Variants in PCDH15 observed in about 807,000 individuals in gnomAD.
PCDH15 encodes the protein protocadherin related 15.
In PCDH15, 129 loss-of-function variants were observed where a neutral mutation model predicts 178.5. The observed-to-expected ratio is 0.72, with a 90% confidence interval of 0.63 to 0.84. The LOEUF is 0.84. Ranked by LOEUF, PCDH15 falls within the 40% of genes least tolerant of loss-of-function variation. The pLI, the probability that PCDH15 is intolerant of heterozygous loss-of-function variation, is 0.00. For missense variants in PCDH15, 2,230 were observed against 2,099.9 expected, an observed-to-expected ratio of 1.06 and a Z score of -1.21; for synonymous variants, 800 against 732.0, an observed-to-expected ratio of 1.09 and a Z score of -1.50.
In PCDH15 at chr10:54,033,394, C is replaced by T. The variant is rs150504960; in HGVS notation, c.2221-10197G>A. Among the ~76,000 whole-genome samples, 16 of 151,824 alleles carry T rather than the reference C, an allele frequency of 1.1e-4. No homozygotes were observed. The East Asian group carries it at 3.1e-3, about 30-fold the overall frequency. On this transcript the variant is annotated intron_variant, in intron 18 of 37. Transcript: ENST00000644397. Reference sequence around the variant, plus strand: ...AGAAAAGTAAGGTTTTCTTGTCTCCCAAAACCTGATTTTCCACATTGGAAA... The same window carrying T: ...AGAAAAGTAAGGTTTTCTTGTCTCCTAAAACCTGATTTTCCACATTGGAAA...
At chr10:55,162,080 ATGTACT>A (rs1371183474) in intron 2 of PCDH15, among the ~76,000 whole-genome samples, 1 of 152,122 alleles carries the variant, frequency 6.6e-6, no homozygotes, top group East Asian at 1.9e-4. Context: ...ACAGCAGCAA[ATGTACT>A]TGAGGGAGAA....
chr10:55,372,491 G>A (rs1309765679), intron 2 of PCDH15, among the ~76,000 whole-genome samples: 1 of 152,118 alleles, frequency 6.6e-6, no homozygotes, highest in Non-Finnish European at 1.5e-5. Context: ...AGTTAGGTCA[G>A]TAATATTTAG....
intron 5 of PCDH15, among the ~76,000 whole-genome samples, chr10:54,348,007 C>G (rs1943583006): frequency 6.6e-6 from 1 of 151,948 alleles, no homozygotes; most frequent in African/African-American, 2.4e-5. Flanking sequence ...CACCACCACG[C>G]CCGGCTAATT....
intron 1 of PCDH15, among the ~76,000 whole-genome samples, chr10:54,716,756 C>A (rs202126435): frequency 6.6e-6 from 1 of 151,764 alleles, no homozygotes; most frequent in Non-Finnish European, 1.5e-5. Flanking sequence ...CTGGAAAAAA[C>A]TACTTTAAAG....
intron 3 of PCDH15, among the ~76,000 whole-genome samples, chr10:54,395,038 C>T (rs1420023530): frequency 6.6e-6 from 1 of 152,086 alleles, no homozygotes; most frequent in African/African-American, 2.4e-5. Flanking sequence ...TGCTCAAACA[C>T]ACATGCTGTA....
At position 54,508,785 on chromosome 10, in the gene PCDH15, T is replaced by C. The variant is rs12415473; in HGVS notation, c.157+19027A>G. ...CCAATTTCTCCTTCTTCTGATGAGG[T>C]TCAAAAATAGCTGGTACAGGTTGAG... On this transcript the variant is annotated intron_variant, in intron 3 of 37. Coordinates refer to ENST00000644397, the MANE Select transcript of PCDH15 (RefSeq NM_001384140.1). 7.0e-3 allele frequency among the ~76,000 whole-genome samples: 1,058 copies of C among 152,132 alleles called. 53 individuals carry two copies. The highest frequency in any genetic ancestry group is 0.061 in the Admixed American group (923 of 15,232).
At chr10:54,815,089 G>C (rs942782065) in intron 3 of PCDH15, among the ~76,000 whole-genome samples, 3 of 151,532 alleles carry the variant, frequency 2.0e-5, no homozygotes, top group African/African-American at 2.4e-5. Flanking sequence ...GGACAATAAG[G>C]GTTTGGACTG....
At chr10:55,032,227 T>C (rs1406512975) in intron 2 of PCDH15, among the ~76,000 whole-genome samples, 1 of 152,174 alleles carries the variant, frequency 6.6e-6, no homozygotes, top group Non-Finnish European at 1.5e-5. Flanking sequence ...TATTGGAATT[T>C]GTAGAAAAGG....
intron 3 of PCDH15, among the ~76,000 whole-genome samples, chr10:54,386,301 G>A (rs1949927648): frequency 1.3e-5 from 2 of 151,860 alleles, no homozygotes; most frequent in South Asian, 2.1e-4. Flanking sequence ...ATCTTATGCT[G>A]TTTTCAGAAA....
At chr10:54,190,492 C>T (rs1591059763) in intron 11 of PCDH15, among the ~76,000 whole-genome samples, 1 of 152,198 alleles carries the variant, frequency 6.6e-6, no homozygotes, top group Non-Finnish European at 1.5e-5. Context: ...CAGCCTCGAA[C>T]CAGTGGGCTC....
chr10:53,838,165 C>A (rs1418505128), intron 29 of PCDH15, among the ~76,000 whole-genome samples: 2 of 151,622 alleles, frequency 1.3e-5, no homozygotes, highest in African/African-American at 4.8e-5. Flanking sequence ...TTAGTAGAGA[C>A]GGGGTTTCAC....
chr10:54,258,240 T>C (rs777350120), intron 8 of PCDH15, among the ~76,000 whole-genome samples: 1 of 152,158 alleles, frequency 6.6e-6, no homozygotes, highest in Non-Finnish European at 1.5e-5. Context: ...CTTGTTCTTG[T>C]TGAAAACAGA....
intron 2 of PCDH15, among the ~76,000 whole-genome samples, chr10:55,504,035 T>C (rs1192138666): frequency 6.6e-6 from 1 of 151,234 alleles, no homozygotes; most frequent in Non-Finnish European, 1.5e-5. Context: ...AATGAGTAGG[T>C]GGAGGACAGA....
At chr10:54,567,624 T>A (rs150554467) in intron 2 of PCDH15, among the ~76,000 whole-genome samples, 2 of 152,192 alleles carry the variant, frequency 1.3e-5, no homozygotes, top group East Asian at 1.9e-4. Flanking sequence ...TTGAATCGAA[T>A]TGAATAGTTC....
intron 3 of PCDH15, among the ~76,000 whole-genome samples, chr10:54,849,105 TA>T (rs1400422596): frequency 6.6e-6 from 1 of 152,212 alleles, no homozygotes; most frequent in Non-Finnish European, 1.5e-5. Context: ...TATTAATACA[TA>T]TGCTAAAGAT....
At chr10:54,445,210 A>T (rs959082631) in intron 3 of PCDH15, among the ~76,000 whole-genome samples, 3 of 151,398 alleles carry the variant, frequency 2.0e-5, no homozygotes, top group Non-Finnish European at 3.0e-5. Flanking sequence ...CATAAATGCT[A>T]TGAAAGTGTA....
At chr10:54,478,731 C>A (rs2078463271) in intron 3 of PCDH15, among the ~76,000 whole-genome samples, 1 of 151,948 alleles carries the variant, frequency 6.6e-6, no homozygotes, top group Admixed American at 6.6e-5. Context: ...ATTAAATTGT[C>A]ATTGGTGGCC....
intron 2 of PCDH15, among the ~76,000 whole-genome samples, chr10:55,413,188 A>T (rs1838386374): frequency 6.6e-6 from 1 of 151,870 alleles, no homozygotes; most frequent in Admixed American, 6.6e-5. Context: ...TCTACCAATT[A>T]TTATAAATCT....
chr10:54,497,109 C>T (rs192734715), intron 3 of PCDH15, among the ~76,000 whole-genome samples: 63 of 151,996 alleles, frequency 4.1e-4, no homozygotes, highest in African/African-American at 1.4e-3. Flanking sequence ...CTCAAGGGGC[C>T]AGAGAACAAA....
Sources: allele counts gnomAD v4.1 joint callset (sites outside exome capture counted in the v4.1 genomes callset), GRCh38; gene constraint gnomAD v4.1.1; transcripts MANE v1.5; gene names NCBI Gene and HGNC (gene_info 2026-07-23, HGNC 2026-07-21).